KHDRBS2: variants seen among roughly 807,000 people sequenced by gnomAD.
KHDRBS2 encodes the protein KH domain-containing, RNA-binding, signal transduction-associated protein 2.
In KHDRBS2, 26 loss-of-function variants were observed where a neutral mutation model predicts 44.3. The observed-to-expected ratio is 0.59, with a 90% CI of 0.43 to 0.81. KHDRBS2 has a LOEUF of 0.81. Ranked by LOEUF, KHDRBS2 falls within the 40% of genes least tolerant of loss-of-function variation. The pLI, the probability that KHDRBS2 is intolerant of heterozygous loss-of-function variation, is 0.00. For synonymous variants in KHDRBS2, 194 were observed against 151.1 expected, an observed-to-expected ratio of 1.28 and a Z score of -2.08; for missense variants, 476 against 433.1, an observed-to-expected ratio of 1.10 and a Z score of -0.88.
chr6:61,940,072 T>G (rs1375074339), intron 4 of KHDRBS2, among the ~76,000 whole-genome samples: 1 of 152,052 alleles, frequency 6.6e-6, no homozygotes, highest in African/African-American at 2.4e-5. Flanking sequence ...CATTCACATA[T>G]TCAAATGTAT....
the KHDRBS2 span, among the ~76,000 whole-genome samples, chr6:61,605,649 C>A: frequency 6.6e-6 from 1 of 152,080 alleles, no homozygotes; most frequent in Admixed American, 6.6e-5. Flanking sequence ...ACCACAAAAT[C>A]TTCCTTCACC....
At chr6:62,160,822 CAT>C (rs1201569145) in intron 2 of KHDRBS2, among the ~76,000 whole-genome samples, 5 of 152,034 alleles carry the variant, frequency 3.3e-5, no homozygotes. Flanking sequence ...TGGGGAAATA[CAT>C]ATAAAATATT....
At position 61,886,330 on chromosome 6, in the gene KHDRBS2, A is replaced by C. The variant is rs558492321; in HGVS notation, c.810+8305T>G. ...CCAGATTCTTTAGACTTGCTTTGAAAGTTTCCTTTTCTTGTCTTTGCTTTT... is the reference window on the plus strand; with the variant it reads ...CCAGATTCTTTAGACTTGCTTTGAACGTTTCCTTTTCTTGTCTTTGCTTTT... On this transcript the variant is annotated intron_variant, in intron 6 of 8. Transcript: ENST00000281156. 4.3e-4 allele frequency among the ~76,000 whole-genome samples: 66 copies of C among 152,220 alleles called. No homozygotes were observed. The South Asian group carries it at 0.012, about 28-fold the overall frequency.
chr6:61,733,437 CA>C (rs1273389578), intron 6 of KHDRBS2, among the ~76,000 whole-genome samples: 1 of 151,658 alleles, frequency 6.6e-6, no homozygotes, highest in Non-Finnish European at 1.5e-5. Flanking sequence ...CTAAAAAATA[CA>C]AAAAAATTTA....
At chr6:62,070,678 T>C (rs11970323) in intron 2 of KHDRBS2, among the ~76,000 whole-genome samples, 4,973 of 152,280 alleles carry the variant, frequency 0.033, 274 homozygotes, top group African/African-American at 0.11. Flanking sequence ...CTCATCATTT[T>C]TTATGGCTGC....
At chr6:62,203,430 A>G (rs573061847) in intron 1 of KHDRBS2, among the ~76,000 whole-genome samples, 1 of 152,222 alleles carries the variant, frequency 6.6e-6, no homozygotes, top group South Asian at 2.1e-4. Flanking sequence ...CAAAATACTA[A>G]TGGGCAGAAA....
At chr6:62,213,918 A>G (rs964878280) in intron 1 of KHDRBS2, among the ~76,000 whole-genome samples, 2 of 143,286 alleles carry the variant, frequency 1.4e-5, no homozygotes, top group African/African-American at 5.0e-5. Context: ...GAAGTATCTT[A>G]GCCAACTTCT....
At chr6:62,070,651 C>T (rs569855519) in intron 2 of KHDRBS2, among the ~76,000 whole-genome samples, 1 of 152,180 alleles carries the variant, frequency 6.6e-6, no homozygotes, top group African/African-American at 2.4e-5. Flanking sequence ...CATCCATGCC[C>T]CTACAAAGGA....
intron 4 of KHDRBS2, among the ~76,000 whole-genome samples, chr6:61,923,305 G>A (rs1363233514): frequency 6.6e-5 from 10 of 152,024 alleles, no homozygotes; most frequent in South Asian, 4.2e-4. Context: ...TAATATCACC[G>A]CAGATTATGC....
At chr6:62,215,824 T>C (rs1475919986) in intron 1 of KHDRBS2, among the ~76,000 whole-genome samples, 1 of 151,626 alleles carries the variant, frequency 6.6e-6, no homozygotes, top group Non-Finnish European at 1.5e-5. Context: ...GAAGCCAAAG[T>C]TGCAAACAGG....
intron 5 of KHDRBS2, among the ~76,000 whole-genome samples, chr6:61,895,262 T>C (rs1222230329): frequency 6.6e-6 from 1 of 152,090 alleles, no homozygotes; most frequent in Admixed American, 6.6e-5. Flanking sequence ...GTTTCAGATG[T>C]CTGCATCTCC....
chr6:62,194,506 T>G (rs1364525329), intron 1 of KHDRBS2, among the ~76,000 whole-genome samples: 9 of 59,624 alleles, frequency 1.5e-4, no homozygotes, highest in Admixed American at 4.5e-4. Flanking sequence ...TTTTTTTTTT[T>G]TTTTTTTTTT....
chr6:61,553,953 C>G, the KHDRBS2 span, among the ~76,000 whole-genome samples: 1 of 151,996 alleles, frequency 6.6e-6, no homozygotes, highest in Admixed American at 6.6e-5. Context: ...GTGCCATGTG[C>G]TGATGCAAAG....
At chr6:61,669,437 T>A in the KHDRBS2 span, among the ~76,000 whole-genome samples, 1 of 150,904 alleles carries the variant, frequency 6.6e-6, no homozygotes, top group Middle Eastern at 3.4e-3. Context: ...TATTTGCTTA[T>A]AAATATAATG....
At chr6:62,132,873 T>G (rs1053086555) in intron 2 of KHDRBS2, among the ~76,000 whole-genome samples, 10 of 152,312 alleles carry the variant, frequency 6.6e-5, no homozygotes, top group Admixed American at 4.6e-4. Context: ...CAAATAGTTT[T>G]AAATCAGATC....
chr6:61,847,999 G>A (rs1296860245), intron 6 of KHDRBS2, among the ~76,000 whole-genome samples: 1 of 151,868 alleles, frequency 6.6e-6, no homozygotes, highest in Non-Finnish European at 1.5e-5. Flanking sequence ...AGATACTTTT[G>A]CATTTCTCTT....
the KHDRBS2 span, among the ~76,000 whole-genome samples, chr6:61,625,278 C>A: frequency 2.6e-5 from 4 of 151,080 alleles, no homozygotes; most frequent in South Asian, 4.2e-4. Flanking sequence ...TGTAATTTGT[C>A]TTCCTAACTT....
intron 1 of KHDRBS2, among the ~76,000 whole-genome samples, chr6:62,188,432 TGTCCTCCAG>T (rs1823899605): frequency 6.6e-6 from 1 of 152,128 alleles, no homozygotes; most frequent in Non-Finnish European, 1.5e-5. Context: ...CGTAGCATAA[TGTCCTCCAG>T]GTCCATCCAT....
chr6:62,179,444 C>T (rs1170294435), intron 1 of KHDRBS2, among the ~76,000 whole-genome samples: 2 of 151,672 alleles, frequency 1.3e-5, no homozygotes, highest in African/African-American at 4.8e-5. Flanking sequence ...CCTTTCCATC[C>T]CTTATATAAT....
Sources: allele counts gnomAD v4.1 joint callset (sites outside exome capture counted in the v4.1 genomes callset), GRCh38; gene constraint gnomAD v4.1.1; transcripts MANE v1.5; gene names NCBI Gene and HGNC (gene_info 2026-07-23, HGNC 2026-07-21).